The following TUBB8B variants were observed in gnomAD, a reference collection of about 807,000 sequenced individuals.
TUBB8B encodes HSA18p11 beta-tubulin 4Q pseudogene.
In TUBB8B, 26 loss-of-function variants were observed where a neutral mutation model predicts 31.9. That is an observed-to-expected ratio of 0.81 (90% CI 0.60 to 1.13). The LOEUF (loss-of-function observed/expected upper bound fraction) is 1.13, where lower values mean the gene tolerates loss of function less well. Ranked by LOEUF, TUBB8B falls within the 50% of genes most tolerant of loss-of-function variation. The probability of loss-of-function intolerance (pLI) is 0.00; values close to 1 mark genes in which losing one functional copy is unlikely to be tolerated. For synonymous variants in TUBB8B, 173 were observed against 231.0 expected, an observed-to-expected ratio of 0.75 and a Z score of 2.28; for missense variants, 467 against 586.7, an observed-to-expected ratio of 0.80 and a Z score of 2.11.
chr18:68,871 C>T, the TUBB8B span, among the ~76,000 whole-genome samples: 1 of 152,156 alleles, frequency 6.6e-6, no homozygotes, highest in Non-Finnish European at 1.5e-5. Context: ...ACAGCAGCCT[C>T]CTGGGTGTCT....
the TUBB8B span, among the ~76,000 whole-genome samples, chr18:63,629 C>T: frequency 2.0e-5 from 3 of 151,578 alleles, no homozygotes; most frequent in Non-Finnish European, 2.9e-5. Flanking sequence ...AGCCCTAGCC[C>T]TAACCCTAAC....
chr18:63,804 C>A, the TUBB8B span, among the ~76,000 whole-genome samples: 1 of 147,958 alleles, frequency 6.8e-6, no homozygotes, highest in Non-Finnish European at 1.5e-5. Context: ...GTTACGCTAA[C>A]CCTAACCCCT....
upstream of TUBB8B, chr18:50,333 T>C (rs554743809): frequency 3.1e-4 from 54 of 171,594 alleles, no homozygotes; most frequent in East Asian, 8.9e-3. Context: ...TGCCTCGATC[T>C]AACCAGTGAA....
chr18:59,925 T>A, the TUBB8B span, among the ~76,000 whole-genome samples: 726 of 151,942 alleles, frequency 4.8e-3, 13 homozygotes, highest in African/African-American at 0.016. Context: ...AAATTCCACT[T>A]GGTCATTATG....
upstream of TUBB8B, among the ~76,000 whole-genome samples, chr18:53,732 T>G (rs990143262): frequency 3.3e-5 from 5 of 151,868 alleles, no homozygotes; most frequent in Non-Finnish European, 2.9e-5. Flanking sequence ...GCCTCCCAAA[T>G]TGTTGGGATT....
upstream of TUBB8B, among the ~76,000 whole-genome samples, chr18:51,270 C>T (rs1164628505): frequency 6.6e-6 from 1 of 151,786 alleles, no homozygotes; most frequent in East Asian, 1.9e-4. Flanking sequence ...TGTTTCATAA[C>T]CTGTGACATG....
upstream of TUBB8B, chr18:49,963 T>A (rs1305415870): frequency 2.3e-6 from 1 of 432,366 alleles, no homozygotes; most frequent in South Asian, 1.6e-5. Flanking sequence ...GTAATGGAGA[T>A]TCATTTCATC....
At chr18:56,540 CT>C in the TUBB8B span, among the ~76,000 whole-genome samples, 3 of 151,636 alleles carry the variant, frequency 2.0e-5, no homozygotes, top group African/African-American at 7.2e-5. Flanking sequence ...ACTTTTATTT[CT>C]TTGGTAAATT....
chr18:68,845 C>T, the TUBB8B span, among the ~76,000 whole-genome samples: 1 of 152,126 alleles, frequency 6.6e-6, no homozygotes, highest in Non-Finnish European at 1.5e-5. Context: ...GTCTCGTATG[C>T]TCTCTCTTAC....
At chr18:68,669 TCA>T in the TUBB8B span, among the ~76,000 whole-genome samples, 1 of 152,138 alleles carries the variant, frequency 6.6e-6, no homozygotes, top group Non-Finnish European at 1.5e-5. Flanking sequence ...GGCAAAATTC[TCA>T]TTTTCAAACC....
chr18:51,543 G>C (rs1024926952), upstream of TUBB8B, among the ~76,000 whole-genome samples: 1 of 151,948 alleles, frequency 6.6e-6, no homozygotes, highest in African/African-American at 2.4e-5. Flanking sequence ...GGGTTCAAGC[G>C]ATTCTCCTGT....
At chr18:63,960 CCCCTAA>C in the TUBB8B span, among the ~76,000 whole-genome samples, 1 of 147,640 alleles carries the variant, frequency 6.8e-6, no homozygotes, top group Non-Finnish European at 1.5e-5. Context: ...CTAACCCTAA[CCCCTAA>C]CCCTAACCCC....
chr18:73,204 G>A, the TUBB8B span: 1 of 153,712 alleles, frequency 6.5e-6, no homozygotes, highest in Non-Finnish European at 1.5e-5. Context: ...AAGCCTCCAT[G>A]AAGGGACGCT....
chr18:56,396 T>C, the TUBB8B span, among the ~76,000 whole-genome samples: 2 of 151,808 alleles, frequency 1.3e-5, no homozygotes, highest in African/African-American at 2.4e-5. Flanking sequence ...ATGAAATGTA[T>C]AGATTGCTTT....
chr18:62,677 T>G, the TUBB8B span, among the ~76,000 whole-genome samples: 1 of 151,780 alleles, frequency 6.6e-6, no homozygotes, highest in Admixed American at 6.6e-5. Context: ...CGCCTCAGCC[T>G]CCCAAAGTGC....
At chr18:69,767 A>G in the TUBB8B span, among the ~76,000 whole-genome samples, 1 of 152,250 alleles carries the variant, frequency 6.6e-6, no homozygotes, top group Admixed American at 6.5e-5. Flanking sequence ...TAAGAAGTAT[A>G]TTTTTAAAAT....
upstream of TUBB8B, chr18:49,851 C>A: frequency 1.8e-6 from 1 of 563,006 alleles, no homozygotes; most frequent in South Asian, 1.5e-5. Context: ...AGACTAGATC[C>A]CTAGCTGAGC....
chr18:58,483 A>T, the TUBB8B span, among the ~76,000 whole-genome samples: 12 of 151,854 alleles, frequency 7.9e-5, no homozygotes, highest in South Asian at 1.2e-3. Flanking sequence ...AATTCAGCCA[A>T]CCACTTTGCT....
At chr18:71,595 A>G in the TUBB8B span, among the ~76,000 whole-genome samples, 2 of 146,486 alleles carry the variant, frequency 1.4e-5, no homozygotes, top group South Asian at 2.2e-4. Flanking sequence ...AAAAAAAAAA[A>G]GCAGCCTGGC....
Sources: gnomAD v4.1 joint callset for allele counts (sites outside exome capture counted in the v4.1 genomes callset) on GRCh38, gnomAD v4.1.1 for gene constraint, MANE v1.5 for transcripts, NCBI Gene and HGNC (gene_info 2026-07-23, HGNC 2026-07-21) for gene names.